The following MYCBP2 variants were observed in gnomAD, a reference collection of about 807,000 sequenced individuals.
MYCBP2 encodes MYC binding protein 2, also known as E3 ubiquitin-protein ligase MYCBP2.
A neutral mutation model predicts 525.3 loss-of-function variants in MYCBP2; 120 were observed. The ratio of observed to expected loss-of-function variants is 0.23; its 90% CI spans 0.20 to 0.27. The LOEUF (loss-of-function observed/expected upper bound fraction) is 0.27. Ranked by LOEUF, MYCBP2 falls within the 10% of genes least tolerant of loss-of-function variation. The pLI is 1.00. For synonymous variants in MYCBP2, 1,894 were observed against 1,955.8 expected (o/e 0.97, Z 0.83); for missense variants, 4,149 against 5,657.1 (o/e 0.73, Z 8.55).
At chr13:77,325,771 T>C (rs1594937095) in intron 1 of MYCBP2, among the ~76,000 whole-genome samples, 1 of 152,222 alleles carries the variant, frequency 6.6e-6, no homozygotes, top group Admixed American at 6.5e-5. Context: ...CAAGAGTAAC[T>C]GCAACCTCAT....
intron 49 of MYCBP2, among the ~76,000 whole-genome samples, chr13:77,141,727 C>G (rs904014563): frequency 2.7e-5 from 4 of 148,234 alleles, no homozygotes; most frequent in Non-Finnish European, 5.9e-5. Context: ...GCAGGGATCG[C>G]GCCACTGCAT....
chr13:77,142,160 G>A (rs760987235), intron 49 of MYCBP2, among the ~76,000 whole-genome samples: 5 of 151,974 alleles, frequency 3.3e-5, no homozygotes, highest in Non-Finnish European at 7.4e-5. Context: ...GTCATTCTTG[G>A]CTATTTCTAC....
At position 77,166,351 on chromosome 13, in the gene MYCBP2, A is replaced by G; in HGVS notation, c.6318T>C (p.Pro2106=). 1 of 1,613,062 alleles carries G rather than the reference A, an allele frequency of 6.2e-7. No individual in the cohort carries two copies. Among genetic ancestry groups the G allele is most frequent in the East Asian group, 2.2e-5 (1 of 44,870 alleles). ...TACCTGGCAACACCAAAACCATAGT[A>G]GGCCACCCAGAGGATCCTGAAAATT... ...LKKFSGSSGW[P]TMVLVLPGNE... Residue 2106 remains proline (P), a synonymous_variant, in exon 41 of 83, where the codon CCT becomes CCC. Coordinates refer to ENST00000544440, the MANE Select transcript of MYCBP2 (RefSeq NM_015057.5).
In MYCBP2 at chr13:77,097,919, C is replaced by T; in HGVS notation, c.9235G>A (p.Glu3079Lys). Residue 3079 changes from glutamate to lysine, a missense_variant, in exon 56 of 83, where the codon GAG (glutamate) becomes AAG (lysine). Around this residue, in one of 21 missense-constraint regions of MYCBP2, gnomAD observed 653 missense variants for 744.7 expected, o/e 0.88. Transcript: ENST00000544440. ...TTTTTTAACTTGGTTTCTTTTTCCT[C>T]TGTAGGTTGTTGGCTATTTAAACTA... is the stretch of plus-strand genomic sequence containing the variant. ...RSSLNSQQPTEEKETKLKNRH... is the reference protein window; with the variant it reads ...RSSLNSQQPTKEKETKLKNRH... 2 of 1,612,578 alleles carry T rather than the reference C, an allele frequency of 1.2e-6. No individual in the cohort carries two copies. The highest frequency in any genetic ancestry group is 1.1e-5 in the South Asian group (1 of 90,892).
At chr13:77,296,717 T>C (rs2078226249) in intron 1 of MYCBP2, 43 bp from the exon 2 acceptor site, 8 of 1,229,466 alleles carry the variant, frequency 6.5e-6, no homozygotes, top group South Asian at 1.5e-5. Flanking sequence ...TGAATGTTCA[T>C]ATTAGGACAT....
At chr13:77,135,081 A>G (rs1185089697) in intron 52 of MYCBP2, among the ~76,000 whole-genome samples, 1 of 152,208 alleles carries the variant, frequency 6.6e-6, no homozygotes, top group Non-Finnish European at 1.5e-5. Context: ...GATCCAAATA[A>G]CGTGCACACA....
At chr13:77,181,593 T>C in intron 33 of MYCBP2, 108 bp downstream of exon 33, 1 of 697,660 alleles carries the variant, frequency 1.4e-6, no homozygotes, top group East Asian at 2.7e-5. Flanking sequence ...CTAAATACGC[T>C]TAGCTTGGTG....
At chr13:77,077,061 T>C (rs2042445678) in intron 67 of MYCBP2, 87 bp downstream of exon 67, 2 of 1,511,302 alleles carry the variant, frequency 1.3e-6, no homozygotes, top group African/African-American at 1.4e-5. Flanking sequence ...GAAATTTCTG[T>C]AATAAGTTTC....
At chr13:77,222,454 A>G (rs2065725526) in intron 20 of MYCBP2, among the ~76,000 whole-genome samples, 1 of 152,196 alleles carries the variant, frequency 6.6e-6, no homozygotes, top group African/African-American at 2.4e-5. Flanking sequence ...ATCATTAGCA[A>G]CAACATTCAT....
intron 52 of MYCBP2, among the ~76,000 whole-genome samples, chr13:77,130,398 T>A (rs1161670260): frequency 6.6e-6 from 1 of 151,754 alleles, no homozygotes; most frequent in African/African-American, 2.4e-5. Flanking sequence ...TTCTATATTT[T>A]CCATATCCAT....
chr13:77,151,694 C>T (rs1436536262), intron 46 of MYCBP2, among the ~76,000 whole-genome samples: 3 of 151,988 alleles, frequency 2.0e-5, no homozygotes, highest in African/African-American at 4.8e-5. Flanking sequence ...ATATATTTTC[C>T]AGGAATTATA....
chr13:77,142,082 G>C (rs1487283550), intron 49 of MYCBP2, among the ~76,000 whole-genome samples: 1 of 152,044 alleles, frequency 6.6e-6, no homozygotes, highest in Non-Finnish European at 1.5e-5. Flanking sequence ...TATTAGATAA[G>C]ATGATGAAAA....
intron 3 of MYCBP2, among the ~76,000 whole-genome samples, chr13:77,282,810 TC>T: frequency 6.6e-6 from 1 of 152,292 alleles, no homozygotes; most frequent in Middle Eastern, 3.4e-3. Context: ...GTAAAGGCCC[TC>T]ACCACACAAA....
At chr13:77,313,253 G>T (rs2080494424) in intron 1 of MYCBP2, among the ~76,000 whole-genome samples, 1 of 151,922 alleles carries the variant, frequency 6.6e-6, no homozygotes, top group Non-Finnish European at 1.5e-5. Context: ...ACTTATATTG[G>T]AAGAAAAATT....
intron 8 of MYCBP2, among the ~76,000 whole-genome samples, chr13:77,266,827 C>T (rs17750691): frequency 0.039 from 5,871 of 149,766 alleles, 145 homozygotes; most frequent in Admixed American, 0.069. Flanking sequence ...TTAAGTCATC[C>T]GCTTTCCAAA....
intron 68 of MYCBP2, among the ~76,000 whole-genome samples, chr13:77,075,330 A>G (rs1192774389): frequency 6.6e-6 from 1 of 152,204 alleles, no homozygotes; most frequent in East Asian, 1.9e-4. Context: ...TGCTTCAATA[A>G]TCTAACTTAA....
chr13:77,081,558 C>T lies in MYCBP2; in HGVS notation c.11287G>A (p.Gly3763Ser), dbSNP rs148795923. The change falls in exon 65 of 83, where the codon GGC becomes AGC. Residue 3763 changes from glycine to serine, a missense_variant. Coordinates refer to ENST00000544440, the MANE Select transcript of MYCBP2 (RefSeq NM_015057.5). This position sits in a 1 kb window ranked among gnomAD's most constrained non-coding sequence, Gnocchi z 4.6. ...RPAMIGSLTD[G>S]STETFWESGD... ...GATTCCCAAAAGGTTTCTGTGGAGC[C>T]GTCTGTCAAACTGCCAATCATGGCA... 20 of 1,613,738 alleles carry T rather than the reference C, an allele frequency of 1.2e-5. No individual in the cohort carries two copies. The highest frequency in any genetic ancestry group is 3.3e-5 in the Admixed American group (2 of 59,980).
rs1261722898 is a variant in MYCBP2, at chr13:77,288,369, T to C, written c.386A>G (p.Asn129Ser). Residue 129 changes from asparagine (N) to serine (S), a missense_variant, in exon 3 of 83, where the codon AAC becomes AGC. Asn to Ser is a conservative substitution (Grantham distance 46, BLOSUM62 1). Around this residue, in one of 21 missense-constraint regions of MYCBP2, gnomAD observed 413 missense variants for 451.2 expected, o/e 0.92. Transcript: ENST00000544440. ...SKVKTRSKSE[N>S]LENTVIIPDI... ...TGGTATGATTACTGTATTCTCTAAGTTTTCAGACTGAAATACAAAACAGAA... is the reference window on the plus strand; with the variant it reads ...TGGTATGATTACTGTATTCTCTAAGCTTTCAGACTGAAATACAAAACAGAA... 6.2e-7 allele frequency: 1 copy of C among 1,610,106 alleles called. No homozygotes were observed. Among genetic ancestry groups the C allele is most frequent in the Non-Finnish European group, 8.5e-7 (1 of 1,176,856 alleles).
chr13:77,306,168 A>C (rs1181972917), intron 1 of MYCBP2, among the ~76,000 whole-genome samples: 1 of 152,184 alleles, frequency 6.6e-6, no homozygotes, highest in Non-Finnish European at 1.5e-5. Flanking sequence ...GGAATTATCA[A>C]GGTCACTGGA....
Sources: allele counts gnomAD v4.1 joint callset (sites outside exome capture counted in the v4.1 genomes callset), GRCh38; gene constraint gnomAD v4.1.1; regional missense constraint gnomAD v4.1.1; non-coding constraint Gnocchi (gnomAD v3.1); transcripts MANE v1.5; gene names NCBI Gene and HGNC (gene_info 2026-07-23, HGNC 2026-07-21).